The following NUDT3 variants were observed in gnomAD, a reference collection of about 807,000 sequenced individuals.
The protein encoded by NUDT3 is nudix hydrolase 3.
Under a neutral mutation model 23.6 loss-of-function variants are expected in NUDT3, and 9 were observed. That is an observed-to-expected ratio of 0.38 (90% CI 0.23 to 0.66). NUDT3 has a LOEUF of 0.66. Among genes scored for constraint, NUDT3 ranks in the 30% least tolerant of loss-of-function variants. The pLI, the probability that NUDT3 is intolerant of heterozygous loss-of-function variation, is 0.52. For synonymous variants in NUDT3, 86 were observed against 82.6 expected (o/e 1.04, Z -0.22); for missense variants, 172 against 218.5 (o/e 0.79, Z 1.34).
In NUDT3 at chr6:34,366,554, G is replaced by A. The variant is rs1764737958; in HGVS notation, c.100-24582C>T. ...AGGGGCAGAGAGGAGGCCAGAATGG[G>A]AGCTTACTGTTTTGTTTTTTAGAGA... On this transcript the variant is annotated intron_variant, in intron 1 of 4. Transcript: ENST00000607016. 4.8e-5 allele frequency among the ~76,000 whole-genome samples: 7 copies of A among 145,388 alleles called. No homozygotes were observed. In the South Asian group the frequency reaches 1.6e-3, roughly 32 times the overall value.
intron 3 of NUDT3, 85 bp downstream of exon 3, chr6:34,295,556 G>A: frequency 1.4e-6 from 2 of 1,442,832 alleles, no homozygotes; most frequent in South Asian, 1.3e-5. Flanking sequence ...AAAACTCGCT[G>A]AAACAGAAAT....
intron 2 of NUDT3, among the ~76,000 whole-genome samples, chr6:34,304,721 G>A (rs1256103275): frequency 1.3e-5 from 2 of 150,924 alleles, no homozygotes; most frequent in Non-Finnish European, 2.9e-5. Flanking sequence ...GTGCAGTGGC[G>A]CAGATCATGG....
intron 1 of NUDT3, among the ~76,000 whole-genome samples, chr6:34,354,749 A>ATATATATATATATATATATATT (rs570166534): frequency 2.3e-4 from 33 of 144,542 alleles, no homozygotes; most frequent in Middle Eastern, 3.7e-3. Flanking sequence ...ATATATATAT[A>ATATATATATATATATATATATT]TATTTATTTA....
chr6:34,340,537 A>C (rs886217005), intron 2 of NUDT3, among the ~76,000 whole-genome samples: 1 of 152,144 alleles, frequency 6.6e-6, no homozygotes, highest in Non-Finnish European at 1.5e-5. Context: ...TTCCCACGTC[A>C]ATGTTCTTTT....
At chr6:34,378,038 G>A (rs180862823) in intron 1 of NUDT3, among the ~76,000 whole-genome samples, 36 of 151,986 alleles carry the variant, frequency 2.4e-4, no homozygotes, top group African/African-American at 7.5e-4. Flanking sequence ...CAGGTGCAGC[G>A]GCTCACACCT....
chr6:34,313,538 A>C (rs1763807451), intron 2 of NUDT3, among the ~76,000 whole-genome samples: 1 of 152,078 alleles, frequency 6.6e-6, no homozygotes, highest in African/African-American at 2.4e-5. Context: ...TGGTACATTG[A>C]CCGTAGCAAA....
intron 2 of NUDT3, among the ~76,000 whole-genome samples, chr6:34,325,015 G>A (rs1304674456): frequency 6.6e-6 from 1 of 152,168 alleles, no homozygotes; most frequent in Non-Finnish European, 1.5e-5. Flanking sequence ...GCCAAGGCTT[G>A]CCTTCATCCC....
rs1727971554 is a variant in NUDT3 at position 34,392,610 on chromosome 6, G to A, written c.-248C>T. 3.5e-6 allele frequency: 1 copy of A among 284,404 alleles called. No individual in the cohort carries two copies. The highest frequency in any genetic ancestry group is 6.1e-5 in the East Asian group (1 of 16,504). 17.6% of individuals were successfully genotyped at this position (284,404 alleles called of 1,614,324 possible). A position where few individuals can be genotyped will look rare whatever the true frequency, so the allele number is the denominator to read the frequency against. On this transcript the variant is annotated 5_prime_UTR_variant, in exon 1 of 5. Transcript: ENST00000607016. ...TGCCGCCAGGGCCGCCGCCCCCTCT[G>A]CCGCCGCCACCCCCGACGACGACCG...
intron 2 of NUDT3, among the ~76,000 whole-genome samples, chr6:34,301,580 C>T (rs751738640): frequency 6.6e-6 from 1 of 152,236 alleles, no homozygotes; most frequent in Non-Finnish European, 1.5e-5. Context: ...GCTGAGTGGC[C>T]TACAGCCAGC....
At chr6:34,299,007 A>G (rs1399421876) in intron 2 of NUDT3, among the ~76,000 whole-genome samples, 1 of 152,216 alleles carries the variant, frequency 6.6e-6, no homozygotes, top group Non-Finnish European at 1.5e-5. Context: ...TCTCCCAGAC[A>G]GCTTACCTTA....
At chr6:34,309,642 G>T (rs1763739894) in intron 2 of NUDT3, among the ~76,000 whole-genome samples, 2 of 151,774 alleles carry the variant, frequency 1.3e-5, no homozygotes, top group South Asian at 4.2e-4. Flanking sequence ...GTATACAAAC[G>T]TATGTTTAAA....
At chr6:34,330,362 C>G (rs756723899) in intron 2 of NUDT3, among the ~76,000 whole-genome samples, 4 of 152,092 alleles carry the variant, frequency 2.6e-5, no homozygotes, top group Non-Finnish European at 2.9e-5. Context: ...TGAGATGGTA[C>G]CTCATTGTGG....
At chr6:34,363,975 G>A (rs1206539719) in intron 1 of NUDT3, among the ~76,000 whole-genome samples, 3 of 152,014 alleles carry the variant, frequency 2.0e-5, no homozygotes, top group Non-Finnish European at 4.4e-5. Context: ...GTTTCACCAC[G>A]GTTGTCGCCC....
At chr6:34,372,960 A>G (rs1048413975) in intron 1 of NUDT3, among the ~76,000 whole-genome samples, 1 of 151,214 alleles carries the variant, frequency 6.6e-6, no homozygotes, top group African/African-American at 2.4e-5. Context: ...GCTTTAATAT[A>G]TATACATAGA....
At chr6:34,326,905 G>A (rs1332419705) in intron 2 of NUDT3, among the ~76,000 whole-genome samples, 4 of 152,072 alleles carry the variant, frequency 2.6e-5, no homozygotes, top group Non-Finnish European at 4.4e-5. Flanking sequence ...CCCGCCCTAC[G>A]GGGCTTGACG....
chr6:34,297,761 T>TATATATA (rs60304042), intron 2 of NUDT3, among the ~76,000 whole-genome samples: 4 of 77,532 alleles, frequency 5.2e-5, no homozygotes, highest in African/African-American at 2.1e-4. Context: ...ATATATATAA[T>TATATATA]TTTTTTTTTT....
intron 2 of NUDT3, among the ~76,000 whole-genome samples, chr6:34,329,833 T>A (rs1764100988): frequency 6.6e-6 from 1 of 152,068 alleles, no homozygotes; most frequent in Non-Finnish European, 1.5e-5. Context: ...TGGTGTGTGA[T>A]GTTCCGCACC....
At chr6:34,351,300 C>A (rs1434819446) in intron 1 of NUDT3, among the ~76,000 whole-genome samples, 4 of 143,790 alleles carry the variant, frequency 2.8e-5, no homozygotes, top group Non-Finnish European at 6.0e-5. Flanking sequence ...TATGGAGAGA[C>A]CTGTCTCTAC....
At position 34,334,734 on chromosome 6, in the gene NUDT3, AC is replaced by A. The variant is rs1581872597; in HGVS notation, c.210+7127del. Reference sequence around the variant, plus strand: ...GGGAGGAGGGGCTGGAAGCTAGGAGACCCTCGGCAACATAGCAAGACACTGT... The same window carrying A: ...GGGAGGAGGGGCTGGAAGCTAGGAGACCTCGGCAACATAGCAAGACACTGT... On this transcript the variant is annotated intron_variant, in intron 2 of 4. Transcript: ENST00000607016. Among the ~76,000 whole-genome samples the A allele has an allele frequency of 2.0e-5, 3 of 152,154 alleles. No individual in the cohort carries two copies. In the East Asian group the frequency reaches 5.8e-4, roughly 29 times the overall value.
Sources: allele counts gnomAD v4.1 joint callset (sites outside exome capture counted in the v4.1 genomes callset), GRCh38; gene constraint gnomAD v4.1.1; transcripts MANE v1.5; gene names NCBI Gene and HGNC (gene_info 2026-07-23, HGNC 2026-07-21).